CLDN12: variants seen among roughly 807,000 people sequenced by gnomAD.
CLDN12 encodes the protein claudin-12.
Under a neutral mutation model 15.5 loss-of-function variants are expected in CLDN12, and 9 were observed. The ratio of observed to expected loss-of-function variants is 0.58; its 90% CI spans 0.35 to 1.02. CLDN12 has a LOEUF of 1.02. Ranked by LOEUF, CLDN12 falls within the 50% of genes least tolerant of loss-of-function variation. CLDN12 has a pLI of 0.02. For missense variants in CLDN12, 233 were observed against 297.3 expected, an observed-to-expected ratio of 0.78 and a Z score of 1.59; for synonymous variants, 140 against 121.6, an observed-to-expected ratio of 1.15 and a Z score of -1.00.
intron 2 of CLDN12, among the ~76,000 whole-genome samples, chr7:90,410,963 C>A (rs772026350): frequency 3.9e-4 from 59 of 151,760 alleles, no homozygotes; most frequent in Non-Finnish European, 1.5e-4. Context: ...TGTCATTGCA[C>A]TCTAGCCTGG....
intron 2 of CLDN12, among the ~76,000 whole-genome samples, chr7:90,410,097 TG>T (rs1329818823): frequency 2.0e-5 from 3 of 151,908 alleles, no homozygotes; most frequent in Admixed American, 6.6e-5. Flanking sequence ...ACAAGTTGTA[TG>T]GGGGAGATAG....
At chr7:90,410,919 C>T (rs550028698) in intron 2 of CLDN12, among the ~76,000 whole-genome samples, 31 of 152,082 alleles carry the variant, frequency 2.0e-4, no homozygotes, top group Non-Finnish European at 1.0e-4. Context: ...ATCGCTTGAG[C>T]CTGGAAGGTC....
In CLDN12 at chr7:90,413,035, T is replaced by TCAAACTGGC. The variant is rs771967868; in HGVS notation, c.363_371dup (p.Leu122_Lys124dup). 55 of 1,614,044 alleles carry TCAAACTGGC rather than the reference T, an allele frequency of 3.4e-5. No homozygotes were observed. Among genetic ancestry groups the TCAAACTGGC allele is most frequent in the Non-Finnish European group, 4.6e-5 (54 of 1,180,046 alleles). Reference sequence around the variant, plus strand: ...GCCTTCAGGTCCTCGGTGCCCAACATCAAACTGGCCAAGTGTCTGGTCAAT... The same window carrying TCAAACTGGC: ...GCCTTCAGGTCCTCGGTGCCCAACATCAAACTGGCCAAACTGGCCAAGTGTCTGGTCAAT... On this transcript the variant is annotated inframe_insertion, in exon 4 of 4. Transcript: ENST00000496677.
chr7:90,406,502 G>C (rs1400559377), intron 2 of CLDN12, among the ~76,000 whole-genome samples: 1 of 152,136 alleles, frequency 6.6e-6, no homozygotes, highest in Non-Finnish European at 1.5e-5. Context: ...GTCATTTGCT[G>C]AGGGTCCAGA....
Position 90,413,670 on chromosome 7 carries a change from A to C in CLDN12, c.*259A>C, listed in dbSNP as rs1343977226. 17 of 1,230,600 alleles carry C rather than the reference A, an allele frequency of 1.4e-5. No homozygotes were observed. The highest frequency in any genetic ancestry group is 1.6e-5 in the Non-Finnish European group (16 of 976,928). 76.2% of individuals were successfully genotyped at this position (1,230,600 alleles called of 1,614,324 possible). On this transcript the variant is annotated 3_prime_UTR_variant, in exon 4 of 4. Transcript: ENST00000496677. ...GATATCTAATTAATTATTTAAGTGG[A>C]AGAGGCCTGCATCACAATTGAGGTA...
intron 2 of CLDN12, among the ~76,000 whole-genome samples, chr7:90,411,463 T>C (rs1796960582): frequency 6.6e-6 from 1 of 152,318 alleles, no homozygotes; most frequent in African/African-American, 2.4e-5. Context: ...GAACATGGCC[T>C]TTTAATTTGG....
intron 1 of CLDN12, among the ~76,000 whole-genome samples, chr7:90,405,164 G>C (rs1185170370): frequency 2.0e-5 from 3 of 152,172 alleles, no homozygotes; most frequent in Non-Finnish European, 2.9e-5. Context: ...CCAGGTTCAA[G>C]CGGTTCTTGT....
Position 90,415,140 on chromosome 7 carries a change from T to TA in CLDN12, c.*1732dup, listed in dbSNP as rs1797048243. 6.0e-6 allele frequency: 1 copy of TA among 165,844 alleles called. No individual in the cohort carries two copies. Among genetic ancestry groups the TA allele is most frequent in the Non-Finnish European group, 1.5e-5 (1 of 68,114 alleles). 10.3% of individuals were successfully genotyped at this position (165,844 alleles called of 1,614,324 possible). Reference sequence around the variant, plus strand: ...AACACTAGTTTATATATATAGCGAATAAATCTAGTTGTATAAATTTTTAAA... The same window carrying TA: ...AACACTAGTTTATATATATAGCGAATAAAATCTAGTTGTATAAATTTTTAAA... On this transcript the variant is annotated 3_prime_UTR_variant, in exon 4 of 4. Transcript: ENST00000496677.
At chr7:90,403,867 A>G (rs908610466) in intron 1 of CLDN12, among the ~76,000 whole-genome samples, 6 of 151,992 alleles carry the variant, frequency 3.9e-5, no homozygotes, top group African/African-American at 1.2e-4. Context: ...TTGCGGTTCA[A>G]ACCCACTCAG....
chr7:90,403,925 G>T (rs1480466120), intron 1 of CLDN12, among the ~76,000 whole-genome samples: 2 of 151,760 alleles, frequency 1.3e-5, no homozygotes, highest in East Asian at 3.9e-4. Flanking sequence ...TCACTGTTGC[G>T]GTCTCTCTCC....
rs1244278168 is a variant in CLDN12, at chr7:90,412,972, G to A, written c.296G>A (p.Gly99Asp). 1 of 1,614,108 alleles carries A rather than the reference G, an allele frequency of 6.2e-7. No individual in the cohort carries two copies. Among genetic ancestry groups the A allele is most frequent in the South Asian group, 1.1e-5 (1 of 91,074 alleles). Residue 99 changes from glycine to aspartate, a missense_variant, in exon 4 of 4, where the codon GGT becomes GAT. Gly to Asp is a moderately conservative substitution (Grantham distance 94, BLOSUM62 -1). Transcript: ENST00000496677. The part of the protein sequence containing the change: ...ALPLSMLIAM[G>D]ALLLCLIGMC... ...CCCCTCAGCATGCTGATCGCCATGG[G>A]TGCCCTGCTGCTCTGCCTGATTGGA...
chr7:90,403,971 GC>G (rs1217417056), intron 1 of CLDN12, among the ~76,000 whole-genome samples: 3 of 144,686 alleles, frequency 2.1e-5, no homozygotes, highest in Admixed American at 2.1e-4. Flanking sequence ...TCTTCCTTCT[GC>G]CAGGTCTGGG....
rs1346619779 is a variant in CLDN12 at position 90,415,768 on chromosome 7, A to G, written c.*2357A>G. ...GGCCTTTTATGGAAACCAACTTGGA[A>G]AACAACCTTAAATGTGGATGTATCA... On this transcript the variant is annotated 3_prime_UTR_variant, in exon 4 of 4. Coordinates refer to ENST00000496677, the MANE Select transcript of CLDN12 (RefSeq NM_001185072.3). 2 of 167,104 alleles carry G rather than the reference A, an allele frequency of 1.2e-5. No homozygotes were observed. Among genetic ancestry groups the G allele is most frequent in the Non-Finnish European group, 2.9e-5 (2 of 68,116 alleles). The allele number at this position is 167,104 out of a possible 1,614,324, so 10.4% of individuals were successfully genotyped here. A position where few individuals can be genotyped will look rare whatever the true frequency, so the allele number is the denominator to read the frequency against.
intron 3 of CLDN12, 43 bp from the exon 4 acceptor site, chr7:90,412,601 T>C: frequency 6.7e-7 from 1 of 1,496,728 alleles, no homozygotes; most frequent in African/African-American, 1.4e-5. Context: ...TCTGTTCTGC[T>C]ATTGTCCCCT....
chr7:90,406,688 A>G (rs1796843402), intron 2 of CLDN12, among the ~76,000 whole-genome samples: 1 of 152,236 alleles, frequency 6.6e-6, no homozygotes, highest in African/African-American at 2.4e-5. Context: ...TGACTTGTCC[A>G]GTTTGTAAAT....
At chr7:90,405,474 A>C (rs1002773415) in intron 1 of CLDN12, 45 bp from the exon 2 acceptor site, 3 of 152,222 alleles carry the variant, frequency 2.0e-5, no homozygotes, top group Non-Finnish European at 2.9e-5. Flanking sequence ...CAGGGTTTTT[A>C]GAGAAGTACT....
At position 90,411,173 on chromosome 7, in the gene CLDN12, T is replaced by C. The variant is rs144649657; in HGVS notation, c.-76-834T>C. 1.9e-3 allele frequency among the ~76,000 whole-genome samples: 291 copies of C among 152,308 alleles called. 2 individuals carry two copies. Among genetic ancestry groups the C allele is most frequent in the Non-Finnish European group, 3.1e-3 (208 of 68,020 alleles). On this transcript the variant is annotated intron_variant, in intron 2 of 3. Coordinates refer to ENST00000496677, the MANE Select transcript of CLDN12 (RefSeq NM_001185072.3). ...TAATTGTCTTTCTGATCCTGAAAGC[T>C]TGGAAACACAACTTCACCATCCCAG...
At position 90,413,303 on chromosome 7, in the gene CLDN12, A is replaced by G. The variant is rs1206115664; in HGVS notation, c.627A>G (p.Pro209=). ...CKSLPSPFWQ[P]LYSHPPSMHT... is the part of the protein sequence containing the mutation. The stretch of plus-strand genomic sequence containing the variant: ...CTTTGCCTTCTCCTTTCTGGCAACC[A>G]TTGTACTCCCATCCACCCAGTATGC... Residue 209 remains proline (P), a synonymous_variant, in exon 4 of 4, where the codon CCA becomes CCG. Transcript: ENST00000496677. 4.3e-6 allele frequency: 7 copies of G among 1,614,130 alleles called. No individual in the cohort carries two copies. The highest frequency in any genetic ancestry group is 5.9e-6 in the Non-Finnish European group (7 of 1,180,020).
At position 90,404,107 on chromosome 7, in the gene CLDN12, C is replaced by T. The variant is rs568222145; in HGVS notation, c.-167+558C>T. Among the ~76,000 whole-genome samples the T allele has an allele frequency of 2.5e-4, 38 of 152,124 alleles. 1 individual carries two copies. The highest frequency in any genetic ancestry group is 1.5e-5 in the Non-Finnish European group (1 of 68,010). On this transcript the variant is annotated intron_variant, in intron 1 of 3. Transcript: ENST00000496677. ...TTTGCTTTCCTGTAAGTTCTGTGCA[C>T]CCGGCCTTGTAAGGGGCCCATAGCC... is the stretch of plus-strand genomic sequence containing the variant.
Sources: allele counts gnomAD v4.1 joint callset (sites outside exome capture counted in the v4.1 genomes callset), GRCh38; gene constraint gnomAD v4.1.1; transcripts MANE v1.5; gene names NCBI Gene and HGNC (gene_info 2026-07-23, HGNC 2026-07-21).